Variants in PNPLA1 observed in about 807,000 individuals in gnomAD.
PNPLA1 encodes patatin like domain 1, omega-hydroxyceramide transacylase, also known as omega-hydroxyceramide transacylase.
In PNPLA1, 36 loss-of-function variants were observed where a neutral mutation model predicts 51.7. The observed-to-expected ratio is 0.70, with a 90% CI of 0.53 to 0.92. The LOEUF (loss-of-function observed/expected upper bound fraction) is 0.92. PNPLA1 is among the 40% of genes least tolerant of loss of function. The probability of loss-of-function intolerance (pLI) is 0.00; values close to 1 mark genes in which losing one functional copy is unlikely to be tolerated. For missense variants in PNPLA1, 658 were observed against 682.5 expected (o/e 0.96, Z 0.40); for synonymous variants, 293 against 280.1 (o/e 1.05, Z -0.46).
intron 1 of PNPLA1, among the ~76,000 whole-genome samples, chr6:36,278,604 C>T (rs892080504): frequency 2.0e-5 from 3 of 152,240 alleles, no homozygotes; most frequent in East Asian, 1.9e-4. Flanking sequence ...TCTGAAGCCC[C>T]GGCTGCACTA....
intron 5 of PNPLA1, among the ~76,000 whole-genome samples, chr6:36,300,707 T>C (rs1218002752): frequency 2.0e-5 from 3 of 152,188 alleles, no homozygotes; most frequent in East Asian, 3.8e-4. Context: ...GCCGAGGTAG[T>C]GTCCATCGGG....
chr6:36,255,108 C>T (rs74619903), intron 1 of PNPLA1, among the ~76,000 whole-genome samples: 6 of 152,166 alleles, frequency 3.9e-5, no homozygotes, highest in East Asian at 1.9e-4. Context: ...ATCTAATGCC[C>T]GTAATCCCAG....
At chr6:36,295,559 A>G in intron 5 of PNPLA1, 135 bp downstream of exon 5, 1 of 959,940 alleles carries the variant, frequency 1.0e-6, no homozygotes, top group South Asian at 1.4e-5. Context: ...AGAGCTGGAA[A>G]TGGGGGTGGG....
chr6:36,302,194 C>T lies in PNPLA1; in HGVS notation c.1109C>T (p.Pro370Leu), dbSNP rs544026479. 6.2e-7 allele frequency: 1 copy of T among 1,614,218 alleles called. No homozygotes were observed. Among genetic ancestry groups the T allele is most frequent in the Non-Finnish European group, 8.5e-7 (1 of 1,180,048 alleles). Residue 370 changes from proline (P) to leucine (L), a missense_variant, in exon 6 of 9, where the codon CCA becomes CTA. Pro to Leu is a moderately conservative substitution (Grantham distance 98, BLOSUM62 -3). Transcript: ENST00000636260. Reference protein sequence around the residue: ...SSTPLSLSGMPPVSFPAVHKP... With the variant: ...SSTPLSLSGMLPVSFPAVHKP... Reference sequence around the variant, plus strand: ...ACTCCACTTTCTCTAAGTGGCATGCCACCTGTATCATTCCCAGCTGTGCAC... The same window carrying T: ...ACTCCACTTTCTCTAAGTGGCATGCTACCTGTATCATTCCCAGCTGTGCAC...
chr6:36,272,372 GT>G (rs1433966453), intron 1 of PNPLA1, among the ~76,000 whole-genome samples: 1 of 152,174 alleles, frequency 6.6e-6, no homozygotes, highest in Admixed American at 6.5e-5. Flanking sequence ...AGCTCAGGCG[GT>G]AATGTGAGTG....
Position 36,309,234 on chromosome 6 carries a change from T to C in PNPLA1, c.1595+1522T>C, listed in dbSNP as rs972905428. 3.3e-5 allele frequency among the ~76,000 whole-genome samples: 5 copies of C among 152,114 alleles called. No homozygotes were observed. The East Asian group carries it at 5.8e-4, about 18-fold the overall frequency. On this transcript the variant is annotated intron_variant, in intron 8 of 8. Coordinates refer to ENST00000636260, the MANE Select transcript of PNPLA1 (RefSeq NM_001374623.1). ...TGCAGGAAGTGGAGCAAACCACATG[T>C]TCTTTCTGGATGACAGGTAGGTAAG...
At chr6:36,254,911 G>T (rs7766116) in intron 1 of PNPLA1, among the ~76,000 whole-genome samples, 75,564 of 151,802 alleles carry the variant, frequency 0.5, 19,958 homozygotes, top group East Asian at 0.74. Context: ...TTCAAAGGGA[G>T]GGCAGGGGCT....
intron 6 of PNPLA1, among the ~76,000 whole-genome samples, chr6:36,305,132 G>C (rs1453708857): frequency 2.6e-5 from 4 of 152,152 alleles, no homozygotes; most frequent in African/African-American, 9.7e-5. Flanking sequence ...AGATGGTTCT[G>C]AATGCACCAG....
chr6:36,274,857 A>G (rs1469876569), intron 1 of PNPLA1, among the ~76,000 whole-genome samples: 1 of 152,120 alleles, frequency 6.6e-6, no homozygotes, highest in African/African-American at 2.4e-5. Flanking sequence ...GTGCCTGCTC[A>G]CCACCTTTCC....
chr6:36,301,977 C>G lies in PNPLA1; in HGVS notation c.892C>G (p.Arg298Gly). 2 of 1,614,202 alleles carry G rather than the reference C, an allele frequency of 1.2e-6. No homozygotes were observed. The highest frequency in any genetic ancestry group is 1.6e-4 in the Middle Eastern group (1 of 6,062). Residue 298 changes from arginine (R) to glycine (G), a missense_variant, in exon 6 of 9, where the codon CGA becomes GGA. Arg to Gly is a moderately radical substitution (Grantham distance 125). Transcript: ENST00000636260. ...ECPERSQPSL[R>G]ARQASLEGAT... ...CCCTGAACGCAGTCAACCAAGCCTT[C>G]GAGCACGGCAGGCCAGTCTGGAAGG...
intron 7 of PNPLA1, 72 bp from the exon 8 acceptor site, chr6:36,307,515 C>A: frequency 1.9e-6 from 3 of 1,560,212 alleles, no homozygotes; most frequent in Admixed American, 3.6e-5. Context: ...ACCTGCGGAG[C>A]TGAGCAGGCC....
At chr6:36,258,562 C>T (rs534167607) in intron 1 of PNPLA1, among the ~76,000 whole-genome samples, 5 of 152,306 alleles carry the variant, frequency 3.3e-5, no homozygotes, top group African/African-American at 1.2e-4. Context: ...GGGAGGTACT[C>T]AGCCACTACT....
chr6:36,256,910 C>T (rs1769545650), intron 1 of PNPLA1, among the ~76,000 whole-genome samples: 1 of 152,150 alleles, frequency 6.6e-6, no homozygotes, highest in African/African-American at 2.4e-5. Flanking sequence ...TAAATACCCT[C>T]TTCATAGGGG....
At chr6:36,301,025 C>T (rs1203378906) in intron 5 of PNPLA1, among the ~76,000 whole-genome samples, 1 of 152,162 alleles carries the variant, frequency 6.6e-6, no homozygotes, top group Non-Finnish European at 1.5e-5. Flanking sequence ...GGAGCCCTTT[C>T]AGTTGGCTCT....
chr6:36,277,828 C>T (rs1295294326), intron 1 of PNPLA1, among the ~76,000 whole-genome samples: 2 of 152,198 alleles, frequency 1.3e-5, no homozygotes, highest in East Asian at 3.8e-4. Context: ...TCTGCCATTG[C>T]ACTCCAGCCT....
intron 5 of PNPLA1, among the ~76,000 whole-genome samples, chr6:36,299,028 C>T (rs973975483): frequency 1.3e-5 from 2 of 152,140 alleles, no homozygotes; most frequent in African/African-American, 4.8e-5. Flanking sequence ...TGAGCCACCG[C>T]GCCTGGCCGA....
chr6:36,309,358 C>G (rs9462171), intron 8 of PNPLA1, among the ~76,000 whole-genome samples: 44,922 of 151,982 alleles, frequency 0.3, 6,794 homozygotes, highest in Non-Finnish European at 0.31. Flanking sequence ...AGCCCCAACA[C>G]TTCCCTGACC....
intron 1 of PNPLA1, among the ~76,000 whole-genome samples, chr6:36,281,977 C>T (rs967129481): frequency 1.5e-4 from 22 of 149,080 alleles, no homozygotes; most frequent in Non-Finnish European, 2.7e-4. Flanking sequence ...GAGCCGAGAT[C>T]GCACCATTGC....
intron 8 of PNPLA1, among the ~76,000 whole-genome samples, chr6:36,310,697 C>G (rs1366150948): frequency 1.3e-5 from 2 of 152,202 alleles, no homozygotes. Flanking sequence ...TTATCTGTCA[C>G]CAGTGTCTTG....
Sources: gnomAD v4.1 joint callset for allele counts (sites outside exome capture counted in the v4.1 genomes callset) on GRCh38, gnomAD v4.1.1 for gene constraint, MANE v1.5 for transcripts, NCBI Gene and HGNC (gene_info 2026-07-23, HGNC 2026-07-21) for gene names.